The following SVOPL variants were observed in gnomAD, a reference collection of about 807,000 sequenced individuals.
The protein encoded by SVOPL is putative transporter SVOPL.
SVOPL carries 60 observed loss-of-function variants against 61.0 expected under a neutral mutation model. The ratio of observed to expected loss-of-function variants is 0.98; its 90% CI spans 0.80 to 1.22. The LOEUF (loss-of-function observed/expected upper bound fraction) is 1.22. SVOPL is among the 50% of genes most tolerant of loss of function. SVOPL has a pLI of 0.00. For missense variants in SVOPL, 662 were observed against 643.9 expected, an observed-to-expected ratio of 1.03 and a Z score of -0.30; for synonymous variants, 279 against 250.0, an observed-to-expected ratio of 1.12 and a Z score of -1.09.
chr7:138,621,599 T>A (rs998283962), intron 13 of SVOPL, among the ~76,000 whole-genome samples: 5 of 152,312 alleles, frequency 3.3e-5, no homozygotes, highest in African/African-American at 1.2e-4. Context: ...ACTTCTTTTC[T>A]AAAATTAGGG....
intron 14 of SVOPL, chr7:138,596,982 C>T: frequency 8.8e-7 from 1 of 1,134,100 alleles, no homozygotes; most frequent in Non-Finnish European, 1.1e-6. Flanking sequence ...GAGGTGTTAT[C>T]TCAGAGTCTC....
At chr7:138,689,322 G>C (rs1294761969) in intron 1 of SVOPL, 1 of 1,591,942 alleles carries the variant, frequency 6.3e-7, no homozygotes, top group African/African-American at 1.3e-5. Flanking sequence ...TCTGGTCATT[G>C]AGCATATCCA....
chr7:138,633,211 A>G (rs1235313573), intron 9 of SVOPL, among the ~76,000 whole-genome samples: 1 of 152,206 alleles, frequency 6.6e-6, no homozygotes, highest in Non-Finnish European at 1.5e-5. Context: ...AATCATTCTG[A>G]ATCCTTTGGA....
intron 14 of SVOPL, among the ~76,000 whole-genome samples, chr7:138,602,402 A>G (rs1464763103): frequency 6.6e-6 from 1 of 151,624 alleles, no homozygotes. Context: ...GGTAATCTAC[A>G]TGTACTGACA....
chr7:138,684,326 C>G (rs553114104), intron 1 of SVOPL, among the ~76,000 whole-genome samples: 2 of 149,230 alleles, frequency 1.3e-5, no homozygotes, highest in South Asian at 4.2e-4. Context: ...GATTGTGCCA[C>G]TGCACTACAG....
intron 1 of SVOPL, among the ~76,000 whole-genome samples, chr7:138,699,273 C>T (rs903206756): frequency 7.2e-5 from 11 of 152,040 alleles, no homozygotes; most frequent in African/African-American, 2.7e-4. Flanking sequence ...CATTGCACTC[C>T]ATCCTGGGCG....
intron 9 of SVOPL, among the ~76,000 whole-genome samples, chr7:138,637,938 C>T (rs984954034): frequency 3.3e-5 from 5 of 151,618 alleles, no homozygotes; most frequent in African/African-American, 7.3e-5. Context: ...GCCAAGAGAG[C>T]GAGCCTCCAT....
intron 9 of SVOPL, among the ~76,000 whole-genome samples, chr7:138,640,231 T>TA (rs397687514): frequency 3.4e-5 from 5 of 148,830 alleles, no homozygotes; most frequent in South Asian, 2.1e-4. Flanking sequence ...CTTTTTTTTT[T>TA]ATATTTATTT....
intron 1 of SVOPL, among the ~76,000 whole-genome samples, chr7:138,691,530 T>G (rs1193268005): frequency 6.6e-6 from 1 of 152,194 alleles, no homozygotes; most frequent in African/African-American, 2.4e-5. Flanking sequence ...GAACAAGTTT[T>G]GCTGTTGTTG....
chr7:138,666,357 C>G (rs981021895), intron 4 of SVOPL, among the ~76,000 whole-genome samples: 1 of 152,184 alleles, frequency 6.6e-6, no homozygotes, highest in Non-Finnish European at 1.5e-5. Context: ...AGAAAGCAAT[C>G]GAGTCACTTT....
At chr7:138,679,380 G>A (rs574681471) in intron 1 of SVOPL, among the ~76,000 whole-genome samples, 13 of 151,920 alleles carry the variant, frequency 8.6e-5, no homozygotes, top group South Asian at 6.2e-4. Context: ...AGCGATTCTC[G>A]TGCCTCAGCC....
intron 3 of SVOPL, among the ~76,000 whole-genome samples, chr7:138,675,608 G>A (rs533678058): frequency 6.6e-6 from 1 of 152,050 alleles, no homozygotes; most frequent in African/African-American, 2.4e-5. Flanking sequence ...TACCCGCCTT[G>A]GCCTCCCAAA....
chr7:138,613,515 C>T (rs1409446171), intron 14 of SVOPL, among the ~76,000 whole-genome samples: 1 of 152,052 alleles, frequency 6.6e-6, no homozygotes, highest in East Asian at 1.9e-4. Context: ...GTCTGTCCCA[C>T]CTCGAGGCCC....
chr7:138,609,962 C>G (rs1046439971), intron 14 of SVOPL, among the ~76,000 whole-genome samples: 12 of 152,184 alleles, frequency 7.9e-5, no homozygotes, highest in African/African-American at 2.6e-4. Flanking sequence ...CTCCTGACCG[C>G]AAATGATCCG....
intron 14 of SVOPL, chr7:138,597,271 T>C: frequency 1.6e-6 from 2 of 1,263,496 alleles, no homozygotes; most frequent in Non-Finnish European, 2.1e-6. Flanking sequence ...GAATAATGTA[T>C]TATAATTTAG....
At chr7:138,671,474 A>G (rs973949159) in intron 4 of SVOPL, among the ~76,000 whole-genome samples, 1 of 152,058 alleles carries the variant, frequency 6.6e-6, no homozygotes, top group African/African-American at 2.4e-5. Context: ...CAGCCTCCCA[A>G]GTAGCTGGGA....
chr7:138,663,361 C>G, intron 4 of SVOPL: 1 of 1,408,176 alleles, frequency 7.1e-7, no homozygotes, highest in Non-Finnish European at 9.2e-7. Context: ...CAGATCCTGC[C>G]CCAGGTGGAA....
At chr7:138,661,515 T>G (rs1801999807) in intron 5 of SVOPL, 1 of 984,986 alleles carries the variant, frequency 1.0e-6, no homozygotes, top group Non-Finnish European at 1.2e-6. Context: ...GGTAATTGTA[T>G]TTCATTTTGT....
intron 8 of SVOPL, chr7:138,645,691 G>T: frequency 6.2e-6 from 1 of 161,136 alleles, no homozygotes; most frequent in South Asian, 1.7e-4. Context: ...AATTCATAGG[G>T]AGAAGATTCC....
Sources: allele counts gnomAD v4.1 joint callset (sites outside exome capture counted in the v4.1 genomes callset), GRCh38; gene constraint gnomAD v4.1.1; transcripts MANE v1.5; gene names NCBI Gene and HGNC (gene_info 2026-07-23, HGNC 2026-07-21).